The following SHISA9 variants were observed in gnomAD, a reference collection of about 807,000 sequenced individuals.
SHISA9 encodes protein shisa-9.
Under a neutral mutation model 38.0 loss-of-function variants are expected in SHISA9, and 13 were observed. The observed-to-expected ratio is 0.34, with a 90% CI of 0.22 to 0.54. SHISA9 has a LOEUF of 0.54. SHISA9 is among the 20% of genes least tolerant of loss of function. SHISA9 has a pLI of 0.91. For synonymous variants in SHISA9, 275 were observed against 242.0 expected, an observed-to-expected ratio of 1.14 and a Z score of -1.27; for missense variants, 538 against 575.8, an observed-to-expected ratio of 0.93 and a Z score of 0.67.
At chr16:13,300,266 G>T in the SHISA9 span, among the ~76,000 whole-genome samples, 1 of 152,058 alleles carries the variant, frequency 6.6e-6, no homozygotes, top group South Asian at 2.1e-4. Flanking sequence ...TTCCATTTCT[G>T]AGTGGGATAC....
chr16:13,419,704 C>G, the SHISA9 span, among the ~76,000 whole-genome samples: 2 of 152,204 alleles, frequency 1.3e-5, no homozygotes, highest in South Asian at 2.1e-4. Context: ...GTGGGTCACA[C>G]AATTTTTATA....
intron 4 of SHISA9, among the ~76,000 whole-genome samples, chr16:13,226,026 G>A (rs2051275921): frequency 1.3e-5 from 2 of 152,190 alleles, no homozygotes; most frequent in Admixed American, 1.3e-4. Flanking sequence ...AGGTACCGGG[G>A]CTGATTAGGT....
the SHISA9 span, among the ~76,000 whole-genome samples, chr16:13,456,015 C>A: frequency 1.3e-5 from 2 of 152,148 alleles, no homozygotes; most frequent in African/African-American, 4.8e-5. Context: ...ACTCTCAGGA[C>A]CTGGCAGGTG....
the SHISA9 span, among the ~76,000 whole-genome samples, chr16:13,415,868 CGAAA>C: frequency 6.8e-6 from 1 of 147,558 alleles, no homozygotes; most frequent in Non-Finnish European, 1.5e-5. Context: ...TTGTATGAAA[CGAAA>C]AAAAGAGTAC....
chr16:12,960,725 T>A (rs1025592310), intron 2 of SHISA9, among the ~76,000 whole-genome samples: 2 of 152,104 alleles, frequency 1.3e-5, no homozygotes, highest in African/African-American at 2.4e-5. Context: ...CCATTCTAAT[T>A]TCCTTTTCAT....
chr16:13,071,598 T>TCCCTTCCTTCC, intron 2 of SHISA9, among the ~76,000 whole-genome samples: 1 of 143,276 alleles, frequency 7.0e-6, no homozygotes, highest in Admixed American at 7.2e-5. Context: ...CCTTCCTTCC[T>TCCCTTCCTTCC]TCCCTTTCTT....
chr16:13,057,095 C>T lies in SHISA9; in HGVS notation c.691+140280C>T, dbSNP rs545825273. Among the ~76,000 whole-genome samples the T allele has an allele frequency of 9.2e-5, 14 of 152,308 alleles. No homozygotes were observed. In the East Asian group the frequency reaches 1.4e-3, roughly 15 times the overall value. On this transcript the variant is annotated intron_variant, in intron 2 of 4. Coordinates refer to ENST00000558583, the MANE Select transcript of SHISA9 (RefSeq NM_001145204.3). ...GGAATGGGCCTCGGTGCTATAGGCCCGCTAGCAGAGGGGGCTGCTGAGCAT... is the reference window on the plus strand; with the variant it reads ...GGAATGGGCCTCGGTGCTATAGGCCTGCTAGCAGAGGGGGCTGCTGAGCAT...
At chr16:13,284,763 AATTTTTTGT>A in the SHISA9 span, among the ~76,000 whole-genome samples, 1 of 151,974 alleles carries the variant, frequency 6.6e-6, no homozygotes, top group Non-Finnish European at 1.5e-5. Context: ...ATGCCGGGCT[AATTTTTTGT>A]ATTTTTTGTA....
At chr16:13,260,104 C>T in the SHISA9 span, among the ~76,000 whole-genome samples, 4 of 143,534 alleles carry the variant, frequency 2.8e-5, no homozygotes, top group East Asian at 6.1e-4. Flanking sequence ...GCAAGCTCCA[C>T]CTCCTGGGTT....
At chr16:13,287,913 C>T in the SHISA9 span, among the ~76,000 whole-genome samples, 4 of 152,082 alleles carry the variant, frequency 2.6e-5, no homozygotes, top group Admixed American at 2.0e-4. Flanking sequence ...GAGAAGGATG[C>T]ATTCTGTTGA....
At position 13,051,032 on chromosome 16, in the gene SHISA9, C is replaced by G. The variant is rs78931439; in HGVS notation, c.691+134217C>G. The stretch of plus-strand genomic sequence containing the variant: ...GTGAGGTTAATAGTAATCCTTATCT[C>G]AGAGGGCAGAGGTGAATATTCCTTG... On this transcript the variant is annotated intron_variant, in intron 2 of 4. Transcript: ENST00000558583. 6.8e-3 allele frequency among the ~76,000 whole-genome samples: 1,030 copies of G among 152,330 alleles called. 4 individuals are homozygous for G. The highest frequency in any genetic ancestry group is 0.01 in the Non-Finnish European group (691 of 68,024).
chr16:12,969,723 G>A (rs2072029990), intron 2 of SHISA9, among the ~76,000 whole-genome samples: 1 of 152,212 alleles, frequency 6.6e-6, no homozygotes, highest in East Asian at 1.9e-4. Flanking sequence ...CTCTAGCCTG[G>A]GAGACAGAGC....
At chr16:13,109,200 T>C (rs1294037000) in intron 2 of SHISA9, among the ~76,000 whole-genome samples, 2 of 152,156 alleles carry the variant, frequency 1.3e-5, no homozygotes, top group Admixed American at 6.6e-5. Context: ...CTAATTGTTC[T>C]ATTTTTTTGT....
chr16:13,209,613 T>C (rs1181028218), intron 3 of SHISA9, among the ~76,000 whole-genome samples: 2 of 152,222 alleles, frequency 1.3e-5, no homozygotes, highest in Non-Finnish European at 2.9e-5. Flanking sequence ...AGCAAAAATG[T>C]AATGTGGATT....
At chr16:13,518,607 A>C in the SHISA9 span, among the ~76,000 whole-genome samples, 1 of 152,104 alleles carries the variant, frequency 6.6e-6, no homozygotes, top group Non-Finnish European at 1.5e-5. Context: ...AAATGACAGA[A>C]ATGGGACTTC....
At chr16:13,170,078 C>T (rs2050671771) in intron 2 of SHISA9, among the ~76,000 whole-genome samples, 1 of 151,674 alleles carries the variant, frequency 6.6e-6, no homozygotes, top group Admixed American at 6.6e-5. Context: ...TGGTGTATGC[C>T]TGTAATCCCA....
At chr16:13,053,132 T>A (rs184812019) in intron 2 of SHISA9, among the ~76,000 whole-genome samples, 34 of 152,042 alleles carry the variant, frequency 2.2e-4, no homozygotes, top group Non-Finnish European at 4.3e-4. Flanking sequence ...CTGGCTAATT[T>A]TTGTATTTTT....
intron 2 of SHISA9, among the ~76,000 whole-genome samples, chr16:13,116,771 A>G (rs1039603123): frequency 6.6e-6 from 1 of 152,220 alleles, no homozygotes; most frequent in Non-Finnish European, 1.5e-5. Context: ...ATTACTGAAC[A>G]AAGGAGGTTT....
intron 4 of SHISA9, among the ~76,000 whole-genome samples, chr16:13,222,950 C>A (rs902654467): frequency 6.6e-6 from 1 of 152,014 alleles, no homozygotes; most frequent in Admixed American, 6.6e-5. Flanking sequence ...TGACATTGGC[C>A]TTTTTTCAGG....
Sources: allele counts gnomAD v4.1 joint callset (sites outside exome capture counted in the v4.1 genomes callset), GRCh38; gene constraint gnomAD v4.1.1; transcripts MANE v1.5; gene names NCBI Gene and HGNC (gene_info 2026-07-23, HGNC 2026-07-21).